DSG3: variants seen among roughly 807,000 people sequenced by gnomAD.
The protein encoded by DSG3 is desmoglein 3, also known as desmoglein-3.
Under a neutral mutation model 85.9 loss-of-function variants are expected in DSG3, and 63 were observed. That is an observed-to-expected ratio of 0.73 (90% CI 0.60 to 0.90). The LOEUF (loss-of-function observed/expected upper bound fraction) is 0.90. Among genes scored for constraint, DSG3 ranks in the 40% least tolerant of loss-of-function variants. DSG3 has a pLI of 0.00. For missense variants in DSG3, 1,220 were observed against 1,219.9 expected (o/e 1.00, Z 0.00); for synonymous variants, 447 against 441.9 (o/e 1.01, Z -0.14).
chr18:31,472,609 G>C (rs960265157), intron 13 of DSG3, 116 bp from the exon 14 acceptor site: 8 of 1,298,238 alleles, frequency 6.2e-6, no homozygotes, highest in Non-Finnish European at 1.1e-6. Context: ...ATCGCTGAAA[G>C]AATTTGCACT....
intron 6 of DSG3, 140 bp downstream of exon 6, chr18:31,460,151 G>C (rs1199329774): frequency 1.2e-5 from 11 of 945,552 alleles, no homozygotes; most frequent in Admixed American, 2.9e-5. Context: ...TAGGGAAATT[G>C]TTTGCATTTT....
intron 4 of DSG3, 112 bp downstream of exon 4, chr18:31,458,712 C>A: frequency 8.2e-7 from 1 of 1,223,826 alleles, no homozygotes; most frequent in Non-Finnish European, 1.1e-6. Context: ...ATGCATCAGT[C>A]CACCAGCAAA....
chr18:31,469,625 C>G (rs72925155), intron 12 of DSG3, among the ~76,000 whole-genome samples: 2,005 of 152,282 alleles, frequency 0.013, 24 homozygotes, highest in Middle Eastern at 0.02. Flanking sequence ...AGACTTTCTA[C>G]ACACTGTTAG....
chr18:31,464,866 G>A (rs2072807788), intron 9 of DSG3, among the ~76,000 whole-genome samples: 1 of 152,184 alleles, frequency 6.6e-6, no homozygotes, highest in South Asian at 2.1e-4. Flanking sequence ...GCCTGGCACA[G>A]TGGCTCACAC....
intron 1 of DSG3, among the ~76,000 whole-genome samples, chr18:31,454,065 A>T (rs2072727082): frequency 6.6e-6 from 1 of 152,214 alleles, no homozygotes; most frequent in South Asian, 2.1e-4. Flanking sequence ...TAAATAATGT[A>T]AGGCTGTGCT....
At chr18:31,461,093 A>C in intron 7 of DSG3, 132 bp downstream of exon 7, 1 of 1,263,872 alleles carries the variant, frequency 7.9e-7, no homozygotes, top group Non-Finnish European at 1.1e-6. Flanking sequence ...ATGCTTTTTA[A>C]AAAATATAAG....
intron 1 of DSG3, among the ~76,000 whole-genome samples, chr18:31,455,528 A>G (rs1389718799): frequency 6.6e-6 from 1 of 152,242 alleles, no homozygotes; most frequent in African/African-American, 2.4e-5. Flanking sequence ...GCTAAATTTC[A>G]TGGTACAGAA....
chr18:31,469,101 T>C lies in DSG3; in HGVS notation c.1649T>C (p.Leu550Pro). The change falls in exon 12 of 16, where the codon CTC becomes CCC. Residue 550 changes from leucine (L) to proline (P), a missense_variant. Leu to Pro is a moderately conservative substitution (Grantham distance 98). Transcript: ENST00000257189. ...TCTTTCTCTACAGCTACCTCGGCCC[T>C]CCTCAGAGCCCAGGAACAGATACCT... Reference protein sequence around the residue: ...SITTLNATSALLRAQEQIPPG... With the variant: ...SITTLNATSAPLRAQEQIPPG... The C allele has an allele frequency of 6.2e-7, 1 of 1,613,404 alleles. No homozygotes were observed. Among genetic ancestry groups the C allele is most frequent in the Non-Finnish European group, 8.5e-7 (1 of 1,179,338 alleles).
rs1346331785 is a variant in DSG3 at position 31,458,613 on chromosome 18, C to G, written c.372+13C>G. 6.2e-7 allele frequency: 1 copy of G among 1,609,726 alleles called. No homozygotes were observed. The highest frequency in any genetic ancestry group is 8.5e-7 in the Non-Finnish European group (1 of 1,177,678). On this transcript the variant is annotated intron_variant, in intron 4 of 15. Transcript: ENST00000257189. ...TCCAAGCTTCCTGGTAAGTTTGGGT[C>G]CTCAACATTGGGCTACCCTTCTCCT...
Position 31,469,087 on chromosome 18 carries a change from A to G in DSG3, c.1637-2A>G, listed in dbSNP as rs745417375. On this transcript the variant is annotated splice_acceptor_variant, in intron 11 of 15. Coordinates refer to ENST00000257189, the MANE Select transcript of DSG3 (RefSeq NM_001944.3). LOFTEE classifies it high-confidence loss of function. ...TTGATTTGCATGATTCTTTCTCTAC[A>G]GCTACCTCGGCCCTCCTCAGAGCCC... is the stretch of plus-strand genomic sequence containing the variant. The G allele has an allele frequency of 5.0e-6, 8 of 1,612,464 alleles. No homozygotes were observed. Among genetic ancestry groups the G allele is most frequent in the Non-Finnish European group, 5.1e-6 (6 of 1,178,490 alleles).
chr18:31,459,200 C>T (rs377583185), intron 5 of DSG3, 23 bp downstream of exon 5: 60 of 1,592,620 alleles, frequency 3.8e-5, no homozygotes, highest in Middle Eastern at 4.5e-4. Context: ...CAGTACTTAC[C>T]ACTTTCAGTT....
intron 1 of DSG3, among the ~76,000 whole-genome samples, chr18:31,455,865 T>C (rs1053861020): frequency 6.6e-6 from 1 of 152,214 alleles, no homozygotes; most frequent in Non-Finnish European, 1.5e-5. Flanking sequence ...GGGTTTGTGA[T>C]TGGAATAGCA....
At position 31,448,763 on chromosome 18, in the gene DSG3, A is replaced by G. The variant is rs149218709; in HGVS notation, c.48+838A>G. On this transcript the variant is annotated intron_variant, in intron 1 of 15. Transcript: ENST00000257189. ...AAAACAATTCCTAATGCTAATTTGTATGGTTTCCATGATAAGCTGGGTTGG... is the reference window on the plus strand; with the variant it reads ...AAAACAATTCCTAATGCTAATTTGTGTGGTTTCCATGATAAGCTGGGTTGG... 9.5e-3 allele frequency among the ~76,000 whole-genome samples: 1,448 copies of G among 152,150 alleles called. 11 individuals are homozygous for G. Among genetic ancestry groups the G allele is most frequent in the Middle Eastern group, 0.027 (8 of 294 alleles).
chr18:31,472,746 C>A lies in DSG3; in HGVS notation c.2059C>A (p.Pro687Thr). 6.2e-7 allele frequency: 1 copy of A among 1,613,900 alleles called. No homozygotes were observed. Among genetic ancestry groups the A allele is most frequent in the Non-Finnish European group, 8.5e-7 (1 of 1,179,892 alleles). Reference sequence around the variant, plus strand: ...GCAGGAAATCACAAATATTTGTGTGCCTCCTGTAACAGCCAATGGAGCCGA... The same window carrying A: ...GCAGGAAATCACAAATATTTGTGTGACTCCTGTAACAGCCAATGGAGCCGA... ...EDKEITNICVPPVTANGADFM... is the reference protein window; with the variant it reads ...EDKEITNICVTPVTANGADFM... The change falls in exon 14 of 16, where the codon CCT (proline) becomes ACT (threonine). Residue 687 changes from proline to threonine, a missense_variant. By Grantham distance (38) the Pro-to-Thr change is conservative. Coordinates refer to ENST00000257189, the MANE Select transcript of DSG3 (RefSeq NM_001944.3).
At chr18:31,462,708 C>T (rs975042820) in intron 8 of DSG3, among the ~76,000 whole-genome samples, 16 of 152,166 alleles carry the variant, frequency 1.1e-4, no homozygotes, top group African/African-American at 3.9e-4. Flanking sequence ...CCTCTTCTAC[C>T]TCCTTACTGC....
At chr18:31,474,087 T>A (rs183186057) in intron 14 of DSG3, 34 bp from the exon 15 acceptor site, 38 of 1,589,056 alleles carry the variant, frequency 2.4e-5, no homozygotes, top group Non-Finnish European at 1.7e-6. Flanking sequence ...AACAACAGCA[T>A]AAGATATTAC....
chr18:31,474,312 A>G lies in DSG3; in HGVS notation c.2293A>G (p.Thr765Ala). 6.2e-7 allele frequency: 1 copy of G among 1,614,160 alleles called. No homozygotes were observed. Among genetic ancestry groups the G allele is most frequent in the Non-Finnish European group, 8.5e-7 (1 of 1,180,036 alleles). The part of the protein sequence containing the change: ...VGICSSGQSG[T>A]MRTRHSTGGT... ...CATCTGTTCCTCAGGGCAGTCTGGA[A>G]CCATGAGAACAAGGCATTCCACTGG... The change falls in exon 15 of 16, where the codon ACC becomes GCC. Residue 765 changes from threonine (T) to alanine (A), a missense_variant. Thr to Ala is a moderately conservative substitution (Grantham distance 58). Transcript: ENST00000257189.
intron 15 of DSG3, among the ~76,000 whole-genome samples, chr18:31,474,793 A>T (rs1035103019): frequency 1.3e-5 from 2 of 152,206 alleles, no homozygotes; most frequent in Non-Finnish European, 2.9e-5. Context: ...GAATGAGTAG[A>T]TAACCACAAC....
At chr18:31,456,314 A>T in intron 1 of DSG3, 126 bp from the exon 2 acceptor site, 1 of 638,004 alleles carries the variant, frequency 1.6e-6, no homozygotes, top group Non-Finnish European at 2.4e-6. Flanking sequence ...CTTGAAACTT[A>T]CTTCTTTTGA....
Sources: allele counts gnomAD v4.1 joint callset (sites outside exome capture counted in the v4.1 genomes callset), GRCh38; gene constraint gnomAD v4.1.1; transcripts MANE v1.5; gene names NCBI Gene and HGNC (gene_info 2026-07-23, HGNC 2026-07-21).